The following SNAP91 variants were observed in gnomAD, a reference collection of about 807,000 sequenced individuals.
SNAP91 encodes clathrin coat assembly protein AP180.
In SNAP91, 27 loss-of-function variants were observed where a neutral mutation model predicts 100.3. The observed-to-expected ratio is 0.27, with a 90% confidence interval of 0.20 to 0.37. SNAP91 has a LOEUF of 0.37. Among genes scored for constraint, SNAP91 ranks in the 10% least tolerant of loss-of-function variants. The probability of loss-of-function intolerance (pLI) is 1.00; values close to 1 mark genes in which losing one functional copy is unlikely to be tolerated. For missense variants in SNAP91, 986 were observed against 1,123.7 expected (o/e 0.88, Z 1.75); for synonymous variants, 404 against 398.6 (o/e 1.01, Z -0.16).
At chr6:83,600,970 A>G (rs2095136446) in intron 16 of SNAP91, among the ~76,000 whole-genome samples, 1 of 152,204 alleles carries the variant, frequency 6.6e-6, no homozygotes, top group Non-Finnish European at 1.5e-5. Context: ...ACTTTTATAC[A>G]GACACTGGAG....
intron 2 of SNAP91, among the ~76,000 whole-genome samples, chr6:83,669,928 G>C (rs548087527): frequency 2.6e-4 from 39 of 151,890 alleles, no homozygotes; most frequent in African/African-American, 9.4e-4. Flanking sequence ...CCAGTTTTTG[G>C]TGATTACAAA....
At chr6:83,609,751 A>G (rs945451324) in intron 12 of SNAP91, among the ~76,000 whole-genome samples, 1 of 152,206 alleles carries the variant, frequency 6.6e-6, no homozygotes, top group Non-Finnish European at 1.5e-5. Context: ...ATTATAGTCA[A>G]CTGTCTAAAA....
At chr6:83,561,602 G>A (rs1271455098) in intron 26 of SNAP91, among the ~76,000 whole-genome samples, 1 of 152,186 alleles carries the variant, frequency 6.6e-6, no homozygotes, top group Non-Finnish European at 1.5e-5. Flanking sequence ...CCCTGGAAAT[G>A]AGTCAAACTT....
intron 7 of SNAP91, among the ~76,000 whole-genome samples, chr6:83,655,019 T>A (rs2098357441): frequency 6.6e-6 from 1 of 152,198 alleles, no homozygotes; most frequent in Non-Finnish European, 1.5e-5. Flanking sequence ...CATACTCCCA[T>A]AGGATATCAT....
chr6:83,615,448 C>T (rs1433199326), intron 10 of SNAP91, among the ~76,000 whole-genome samples: 2 of 152,154 alleles, frequency 1.3e-5, no homozygotes, highest in Non-Finnish European at 2.9e-5. Flanking sequence ...TCTCCATTTG[C>T]TTAAATCCTA....
At position 83,558,642 on chromosome 6, in the gene SNAP91, C is replaced by A. The variant is rs141316116; in HGVS notation, c.2631+1462G>T. Among the ~76,000 whole-genome samples, 409 of 152,322 alleles carry A rather than the reference C, an allele frequency of 2.7e-3. 1 individual carries two copies. Among genetic ancestry groups the A allele is most frequent in the Non-Finnish European group, 4.6e-3 (312 of 68,030 alleles). ...AGGAAGCAAAAGGGATTAAAGTATA[C>A]TCAGAAAGTTCACAGCAGCAGGTAT... is the stretch of plus-strand genomic sequence containing the variant. On this transcript the variant is annotated intron_variant, in intron 28 of 29. Transcript: ENST00000369694.
At chr6:83,688,505 T>A (rs1305271918) in intron 2 of SNAP91, among the ~76,000 whole-genome samples, 1 of 106,994 alleles carries the variant, frequency 9.3e-6, no homozygotes, top group Non-Finnish European at 1.7e-5. Flanking sequence ...CAAACATCAC[T>A]TTTTTTTTTT....
intron 26 of SNAP91, among the ~76,000 whole-genome samples, chr6:83,572,421 A>T (rs1562152515): frequency 6.6e-6 from 1 of 150,550 alleles, no homozygotes. Flanking sequence ...AAAGTTTTGC[A>T]TTTTTTTTTG....
intron 7 of SNAP91, among the ~76,000 whole-genome samples, chr6:83,644,341 C>T (rs1274937061): frequency 6.6e-6 from 1 of 152,106 alleles, no homozygotes; most frequent in Non-Finnish European, 1.5e-5. Context: ...ATAATAGTAG[C>T]ATTGACACAG....
At chr6:83,699,123 C>T (rs1410849543) in intron 2 of SNAP91, among the ~76,000 whole-genome samples, 2 of 152,096 alleles carry the variant, frequency 1.3e-5, no homozygotes, top group Admixed American at 1.3e-4. Context: ...TAGGTGACCC[C>T]AGGCTCCCTA....
In SNAP91 at chr6:83,616,227, G is replaced by A. The variant is rs1299849852; in HGVS notation, c.878+742C>T. Among the ~76,000 whole-genome samples, 3 of 152,132 alleles carry A rather than the reference G, an allele frequency of 2.0e-5. No homozygotes were observed. In the East Asian group the frequency reaches 5.8e-4, roughly 29 times the overall value. On this transcript the variant is annotated intron_variant, in intron 10 of 29. Coordinates refer to ENST00000369694, the MANE Select transcript of SNAP91 (RefSeq NM_001242792.2). ...CATAAGATTTACAAAGCAGGACAAG[G>A]AGGATGGGCATCCTAAGACTTGCAG... is the stretch of plus-strand genomic sequence containing the variant.
chr6:83,673,092 A>G (rs1477446962), intron 2 of SNAP91, among the ~76,000 whole-genome samples: 1 of 152,190 alleles, frequency 6.6e-6, no homozygotes, highest in Non-Finnish European at 1.5e-5. Context: ...AGCTCAGAAT[A>G]TTTGCCACAT....
chr6:83,605,928 C>G, intron 13 of SNAP91, 125 bp from the exon 14 acceptor site: 1 of 864,546 alleles, frequency 1.2e-6, no homozygotes, highest in African/African-American at 1.7e-5. Context: ...AAGAATAATA[C>G]TTTGGAAAGT....
chr6:83,686,540 T>C (rs2099063386), intron 2 of SNAP91, among the ~76,000 whole-genome samples: 2 of 152,226 alleles, frequency 1.3e-5, no homozygotes, highest in Non-Finnish European at 2.9e-5. Context: ...AATAAATTAC[T>C]GAAATTTAGG....
chr6:83,630,700 T>C (rs2128470933), intron 8 of SNAP91, among the ~76,000 whole-genome samples: 1 of 152,262 alleles, frequency 6.6e-6, no homozygotes, highest in South Asian at 2.1e-4. Context: ...TCCCATTTCA[T>C]TTCTTACTGA....
intron 2 of SNAP91, among the ~76,000 whole-genome samples, chr6:83,669,505 T>C (rs891595764): frequency 5.9e-5 from 9 of 152,026 alleles, no homozygotes; most frequent in African/African-American, 1.4e-4. Flanking sequence ...GTATAGTTGA[T>C]ATTAGAATTG....
At chr6:83,625,655 T>G (rs915456782) in intron 8 of SNAP91, among the ~76,000 whole-genome samples, 3 of 152,184 alleles carry the variant, frequency 2.0e-5, no homozygotes, top group African/African-American at 4.8e-5. Flanking sequence ...CATTTTTTCA[T>G]GTTTGTTGGC....
At chr6:83,577,682 C>T (rs1333310531) in intron 24 of SNAP91, among the ~76,000 whole-genome samples, 4 of 152,108 alleles carry the variant, frequency 2.6e-5, no homozygotes, top group Non-Finnish European at 1.5e-5. Context: ...GCAATGCAGT[C>T]TCAATAGAAG....
intron 2 of SNAP91, among the ~76,000 whole-genome samples, chr6:83,685,266 A>G (rs558890609): frequency 1.0e-3 from 156 of 152,320 alleles, no homozygotes; most frequent in Admixed American, 4.6e-3. Context: ...AACACCTGAC[A>G]GTTCAGGGGT....
Sources: gnomAD v4.1 joint callset for allele counts (sites outside exome capture counted in the v4.1 genomes callset) on GRCh38, gnomAD v4.1.1 for gene constraint, MANE v1.5 for transcripts, NCBI Gene and HGNC (gene_info 2026-07-23, HGNC 2026-07-21) for gene names.